The following ACSS1 variants were observed in gnomAD, a reference collection of about 807,000 sequenced individuals.
The protein encoded by ACSS1 is acyl-CoA synthetase short chain family member 1.
A neutral mutation model predicts 75.3 loss-of-function variants in ACSS1; 42 were observed. The observed-to-expected ratio is 0.56, with a 90% CI of 0.44 to 0.72. The LOEUF is 0.72. ACSS1 is among the 30% of genes least tolerant of loss of function. The pLI, the probability that ACSS1 is intolerant of heterozygous loss-of-function variation, is 0.00. For missense variants in ACSS1, 782 were observed against 935.7 expected, an observed-to-expected ratio of 0.84 and a Z score of 2.14; for synonymous variants, 380 against 376.8, an observed-to-expected ratio of 1.01 and a Z score of -0.10.
At chr20:25,053,773 C>T (rs1388298121) in intron 1 of ACSS1, among the ~76,000 whole-genome samples, 1 of 152,170 alleles carries the variant, frequency 6.6e-6, no homozygotes, top group Non-Finnish European at 1.5e-5. Flanking sequence ...CAAGAAATTT[C>T]CCAGTGCTCA....
Position 25,007,431 on chromosome 20 carries a change from G to A in ACSS1, c.*331C>T, listed in dbSNP as rs899393485. 4.0e-5 allele frequency: 47 copies of A among 1,168,992 alleles called. No individual in the cohort carries two copies. In the East Asian group the frequency reaches 5.8e-4, roughly 14 times the overall value. 72.4% of individuals were successfully genotyped at this position (1,168,992 alleles called of 1,614,324 possible). ...CTAGCTCTGTGTTATCTGAGCAGGC[G>A]CGCTATCCCAGGGCCTCACCTTCCT... On this transcript the variant is annotated 3_prime_UTR_variant, in exon 14 of 14. Coordinates refer to ENST00000323482, the MANE Select transcript of ACSS1 (RefSeq NM_032501.4).
chr20:25,032,614 G>T (rs2088846050), intron 2 of ACSS1: 4 of 1,231,554 alleles, frequency 3.2e-6, no homozygotes, highest in Non-Finnish European at 4.1e-6. Flanking sequence ...CTCTGCAGGG[G>T]CCCAGAAAGC....
intron 3 of ACSS1, among the ~76,000 whole-genome samples, chr20:25,028,433 A>T (rs1385717774): frequency 6.6e-6 from 1 of 152,238 alleles, no homozygotes; most frequent in Non-Finnish European, 1.5e-5. Flanking sequence ...GATAAATGGA[A>T]TAGGATAGAG....
In ACSS1 at chr20:25,007,347, A is replaced by G; in HGVS notation, c.*415T>C. ...TTCCACAATATAAAAGTATAAAAATAAGATTTCTGACCTTTGTATCTAGAC... is the reference window on the plus strand; with the variant it reads ...TTCCACAATATAAAAGTATAAAAATGAGATTTCTGACCTTTGTATCTAGAC... On this transcript the variant is annotated 3_prime_UTR_variant, in exon 14 of 14. Transcript: ENST00000323482. 9.3e-7 allele frequency: 1 copy of G among 1,073,058 alleles called. No homozygotes were observed. Among genetic ancestry groups the G allele is most frequent in the Non-Finnish European group, 1.1e-6 (1 of 885,286 alleles). 66.5% of individuals were successfully genotyped at this position (1,073,058 alleles called of 1,614,324 possible).
At chr20:25,052,901 G>A (rs2089193575) in intron 1 of ACSS1, among the ~76,000 whole-genome samples, 1 of 152,204 alleles carries the variant, frequency 6.6e-6, no homozygotes, top group African/African-American at 2.4e-5. Context: ...CATTATAAGA[G>A]TATTGGGATT....
At chr20:25,026,995 T>C (rs1011858497) in intron 3 of ACSS1, among the ~76,000 whole-genome samples, 11 of 152,348 alleles carry the variant, frequency 7.2e-5, no homozygotes, top group Admixed American at 7.2e-4. Flanking sequence ...AAGCACTGGG[T>C]GACCATGGCC....
At chr20:25,008,323 A>G (rs893535563) in intron 13 of ACSS1, among the ~76,000 whole-genome samples, 1 of 152,238 alleles carries the variant, frequency 6.6e-6, no homozygotes, top group African/African-American at 2.4e-5. Flanking sequence ...GTCTTACATC[A>G]GAGGTGAGAA....
chr20:25,036,847 T>A (rs2088914987), intron 2 of ACSS1, among the ~76,000 whole-genome samples: 1 of 150,942 alleles, frequency 6.6e-6, no homozygotes, highest in African/African-American at 2.4e-5. Flanking sequence ...CCCAGCTACT[T>A]GGGAGGCTAA....
intron 3 of ACSS1, among the ~76,000 whole-genome samples, chr20:25,028,339 G>T (rs563291039): frequency 6.6e-6 from 1 of 152,128 alleles, no homozygotes; most frequent in Non-Finnish European, 1.5e-5. Flanking sequence ...GGAGACTCAC[G>T]CTTCCTGGTT....
In ACSS1 at chr20:25,012,668, T is replaced by C. The variant is rs768757325; in HGVS notation, c.1708-4A>G. 6.2e-7 allele frequency: 1 copy of C among 1,614,130 alleles called. No individual in the cohort carries two copies. The highest frequency in any genetic ancestry group is 1.7e-5 in the Admixed American group (1 of 60,010). ...CTGGTACTGCAGGGTGGTCGGCCTG[T>C]GTACAACAGAGAACAAAAGGGCAAA... is the stretch of plus-strand genomic sequence containing the variant. On this transcript the variant is annotated splice_region_variant and splice_polypyrimidine_tract_variant and intron_variant, in intron 11 of 13. Transcript: ENST00000323482.
chr20:25,030,684 C>T lies in ACSS1; in HGVS notation c.631+75G>A, dbSNP rs1469305055. 8.4e-6 allele frequency: 13 copies of T among 1,541,328 alleles called. No individual in the cohort carries two copies. In the African/African-American group the frequency reaches 1.1e-4, roughly 13 times the overall value. The stretch of plus-strand genomic sequence containing the variant: ...AATGTCTGCACTCTGATGGTCTCTA[C>T]ACTGATGGCCAGGCCCCCAGGAACA... On this transcript the variant is annotated intron_variant, in intron 3 of 13. Transcript: ENST00000323482.
At chr20:25,034,887 TG>T (rs2088884274) in intron 2 of ACSS1, among the ~76,000 whole-genome samples, 1 of 148,954 alleles carries the variant, frequency 6.7e-6, no homozygotes, top group Non-Finnish European at 1.5e-5. Flanking sequence ...ATGGATTTTT[TG>T]TTTTTTGTTT....
At chr20:25,021,684 G>A in intron 5 of ACSS1, 148 bp from the exon 6 acceptor site, 1 of 948,308 alleles carries the variant, frequency 1.1e-6, no homozygotes, top group Non-Finnish European at 1.6e-6. Flanking sequence ...AGCAGGACAG[G>A]TGGGCACACT....
chr20:25,046,447 A>C, intron 2 of ACSS1: 2 of 287,298 alleles, frequency 7.0e-6, no homozygotes, highest in Admixed American at 4.7e-5. Flanking sequence ...TCCCACGGGC[A>C]GCGTCCAGCC....
chr20:25,056,079 A>T (rs1048409038), intron 1 of ACSS1, among the ~76,000 whole-genome samples: 2 of 152,264 alleles, frequency 1.3e-5, no homozygotes, highest in African/African-American at 4.8e-5. Context: ...AGTGAAGGAA[A>T]AGGAGACAGA....
chr20:25,018,525 G>A (rs374159349), intron 7 of ACSS1, among the ~76,000 whole-genome samples: 119 of 152,222 alleles, frequency 7.8e-4, no homozygotes, highest in African/African-American at 2.7e-3. Flanking sequence ...AATCAGGTGG[G>A]GGGCAGAGTG....
At position 25,012,583 on chromosome 20, in the gene ACSS1, C is replaced by G. The variant is rs377234171; in HGVS notation, c.1771+18G>C. On this transcript the variant is annotated intron_variant, in intron 12 of 13. Transcript: ENST00000323482. ...TGGGGTCAGGAATCAGGGAGGAGCT[C>G]ATCTCCAGGACACTCACCTTCTCCT... is the stretch of plus-strand genomic sequence containing the variant. 5.0e-6 allele frequency: 8 copies of G among 1,613,998 alleles called. No homozygotes were observed. The highest frequency in any genetic ancestry group is 1.6e-4 in the Middle Eastern group (1 of 6,084).
intron 12 of ACSS1, 34 bp downstream of exon 12, chr20:25,012,567 G>A (rs2088428364): frequency 6.2e-7 from 1 of 1,612,976 alleles, no homozygotes; most frequent in African/African-American, 1.3e-5. Context: ...GTGGGGTCAG[G>A]AATCAGGGAG....
Position 25,023,086 on chromosome 20 carries a change from C to A in ACSS1, c.814G>T (p.Ala272Ser). Residue 272 changes from alanine (A) to serine (S), a missense_variant, in exon 5 of 14, where the codon GCC (alanine) becomes TCC (serine). This residue lies in a region of ACSS1 where 377 missense variants were observed against 383.1 expected (regional missense o/e 0.98). Coordinates refer to ENST00000323482, the MANE Select transcript of ACSS1 (RefSeq NM_032501.4). ...GGGGCGCAAACAGGGTCCTCCTTGG[C>A]CATTTCCTGGCAGGGAGAAGAAACA... The part of the protein sequence containing the change: ...DLDVPLEQEM[A>S]KEDPVCAPES... The A allele has an allele frequency of 6.2e-7, 1 of 1,610,960 alleles. No individual in the cohort carries two copies. The highest frequency in any genetic ancestry group is 8.5e-7 in the Non-Finnish European group (1 of 1,178,350).
Sources: allele counts gnomAD v4.1 joint callset (sites outside exome capture counted in the v4.1 genomes callset), GRCh38; gene constraint gnomAD v4.1.1; regional missense constraint gnomAD v4.1.1; transcripts MANE v1.5; gene names NCBI Gene and HGNC (gene_info 2026-07-23, HGNC 2026-07-21).